The following RNLS variants were observed in gnomAD, a reference collection of about 807,000 sequenced individuals.
RNLS encodes the protein renalase.
RNLS carries 39 observed loss-of-function variants against 39.8 expected under a neutral mutation model. That is an observed-to-expected ratio of 0.98 (90% CI 0.76 to 1.28). RNLS has a LOEUF of 1.28. RNLS is among the 50% of genes most tolerant of loss of function. The probability of loss-of-function intolerance (pLI) is 0.00; values close to 1 mark genes in which losing one functional copy is unlikely to be tolerated. For synonymous variants in RNLS, 147 were observed against 150.7 expected (o/e 0.98, Z 0.18); for missense variants, 410 against 413.3 (o/e 0.99, Z 0.07).
chr10:88,452,547 G>A (rs1283145615), intron 4 of RNLS, among the ~76,000 whole-genome samples: 1 of 152,132 alleles, frequency 6.6e-6, no homozygotes, highest in Non-Finnish European at 1.5e-5. Flanking sequence ...AGGTGTAAAA[G>A]TGTAAGTGAT....
chr10:88,283,435 C>A (rs1371125382), downstream of RNLS, among the ~76,000 whole-genome samples: 1 of 152,086 alleles, frequency 6.6e-6, no homozygotes, highest in Non-Finnish European at 1.5e-5. Context: ...CTTTGGAGGA[C>A]ATAAATTCAT....
intron 5 of RNLS, among the ~76,000 whole-genome samples, chr10:88,331,528 T>C (rs1163710786): frequency 1.3e-5 from 2 of 152,182 alleles, no homozygotes; most frequent in Admixed American, 6.5e-5. Flanking sequence ...ATGAAACACA[T>C]GCAAAGTAAT....
intron 4 of RNLS, chr10:88,545,483 A>C: frequency 2.2e-6 from 1 of 455,948 alleles, no homozygotes; most frequent in Non-Finnish European, 4.4e-6. Context: ...CAGCATATGT[A>C]CAACTGCCCT....
At chr10:88,448,009 A>G (rs1842140835) in intron 4 of RNLS, among the ~76,000 whole-genome samples, 1 of 152,220 alleles carries the variant, frequency 6.6e-6, no homozygotes, top group African/African-American at 2.4e-5. Flanking sequence ...AAATTAATTC[A>G]AGATGGATTA....
At chr10:88,176,133 A>G in the RNLS span, among the ~76,000 whole-genome samples, 1 of 150,752 alleles carries the variant, frequency 6.6e-6, no homozygotes, top group Admixed American at 6.6e-5. Flanking sequence ...TCATATAGTT[A>G]GGGATTTAAA....
At chr10:88,569,841 A>T (rs1200522092) in intron 4 of RNLS, among the ~76,000 whole-genome samples, 1 of 152,092 alleles carries the variant, frequency 6.6e-6, no homozygotes, top group Non-Finnish European at 1.5e-5. Flanking sequence ...AAAGCTAAAA[A>T]AATAAAAAAT....
the RNLS span, among the ~76,000 whole-genome samples, chr10:88,196,754 C>T: frequency 6.6e-6 from 1 of 152,124 alleles, no homozygotes; most frequent in South Asian, 2.1e-4. Flanking sequence ...CCTGCAGACC[C>T]GTGGGCAAGA....
chr10:88,577,026 G>A (rs1850250571), intron 3 of RNLS, among the ~76,000 whole-genome samples: 1 of 152,128 alleles, frequency 6.6e-6, no homozygotes, highest in South Asian at 2.1e-4. Context: ...TTAGTAACAT[G>A]GGACCTTATT....
chr10:88,425,098 A>G (rs950382001), intron 4 of RNLS, among the ~76,000 whole-genome samples: 1 of 152,154 alleles, frequency 6.6e-6, no homozygotes, highest in African/African-American at 2.4e-5. Context: ...TGCCACAGCC[A>G]TTGGCAGCAT....
At chr10:88,235,374 A>G in the RNLS span, among the ~76,000 whole-genome samples, 4 of 151,922 alleles carry the variant, frequency 2.6e-5, no homozygotes, top group East Asian at 7.7e-4. Context: ...GCAAACAAGC[A>G]CGACTGATTT....
the RNLS span, among the ~76,000 whole-genome samples, chr10:88,174,640 T>C: frequency 6.6e-6 from 1 of 152,360 alleles, no homozygotes; most frequent in African/African-American, 2.4e-5. Context: ...CTTTTTGATA[T>C]ACTGCTGGAT....
At chr10:88,343,825 C>T (rs143918258) in intron 5 of RNLS, 16,830 of 985,100 alleles carry the variant, frequency 0.017, 160 homozygotes, top group Non-Finnish European at 0.019. Context: ...AAAGGAAAAA[C>T]GAAAGGGTTT....
chr10:88,439,041 T>C (rs1329110868), intron 4 of RNLS, among the ~76,000 whole-genome samples: 3 of 152,172 alleles, frequency 2.0e-5, no homozygotes, highest in Non-Finnish European at 2.9e-5. Context: ...TACACACAGG[T>C]CAATCCAACA....
the RNLS span, among the ~76,000 whole-genome samples, chr10:88,215,561 A>C: frequency 1.3e-5 from 2 of 152,282 alleles, no homozygotes; most frequent in East Asian, 3.9e-4. Context: ...TAAATTGTAA[A>C]TAATGTGTCC....
intron 4 of RNLS, among the ~76,000 whole-genome samples, chr10:88,413,779 A>G (rs814242): frequency 0.68 from 102,655 of 152,036 alleles, 35,274 homozygotes; most frequent in African/African-American, 0.81. Context: ...AAATGTTTCA[A>G]TTTATGAGTG....
Position 88,325,122 on chromosome 10 carries a change from A to G in RNLS, c.701-10481T>C, listed in dbSNP as rs538188859. Among the ~76,000 whole-genome samples the G allele has an allele frequency of 3.3e-5, 5 of 152,300 alleles. No homozygotes were observed. The South Asian group carries it at 8.3e-4, about 25-fold the overall frequency. ...GCTATGAACATTGCTGTACAAATTCAGTTCAAGTCCCTGCTTTCACTTCTT... is the reference window on the plus strand; with the variant it reads ...GCTATGAACATTGCTGTACAAATTCGGTTCAAGTCCCTGCTTTCACTTCTT... On this transcript the variant is annotated intron_variant, in intron 5 of 6. Transcript: ENST00000331772.
chr10:88,456,105 CTCCTGT>C (rs1842614466), intron 4 of RNLS, among the ~76,000 whole-genome samples: 2 of 152,150 alleles, frequency 1.3e-5, no homozygotes, highest in Admixed American at 1.3e-4. Context: ...CCAGCAGACT[CTCCTGT>C]TTTCTGTTTC....
In RNLS at chr10:88,408,337, G is replaced by C. The variant is rs117385313; in HGVS notation, c.527-45612C>G. Among the ~76,000 whole-genome samples, 1,373 of 152,152 alleles carry C rather than the reference G, an allele frequency of 9.0e-3. 25 individuals are homozygous for C. Among genetic ancestry groups the C allele is most frequent in the East Asian group, 0.028 (145 of 5,166 alleles). On this transcript the variant is annotated intron_variant, in intron 4 of 6. Coordinates refer to ENST00000331772, the MANE Select transcript of RNLS (RefSeq NM_001031709.3). ...CTGAATAATACTGTTGCTATGGTCT[G>C]AATGTTGGTGTTCCTCCAAAATTCA...
At chr10:88,377,363 A>ATTTT (rs1851099145) in intron 4 of RNLS, among the ~76,000 whole-genome samples, 1 of 152,196 alleles carries the variant, frequency 6.6e-6, no homozygotes, top group Admixed American at 6.6e-5. Context: ...AATTAAATTT[A>ATTTT]TGTTCAGAAG....
Sources: allele counts gnomAD v4.1 joint callset (sites outside exome capture counted in the v4.1 genomes callset), GRCh38; gene constraint gnomAD v4.1.1; transcripts MANE v1.5; gene names NCBI Gene and HGNC (gene_info 2026-07-23, HGNC 2026-07-21).